Variants in ERI1 observed in about 807,000 individuals in gnomAD.
ERI1 encodes the protein exoribonuclease 1.
ERI1 carries 39 observed loss-of-function variants against 39.7 expected under a neutral mutation model. The observed-to-expected ratio is 0.98, with a 90% CI of 0.76 to 1.28. The LOEUF is 1.28. Ranked by LOEUF, ERI1 falls within the 50% of genes most tolerant of loss-of-function variation. The pLI, the probability that ERI1 is intolerant of heterozygous loss-of-function variation, is 0.00. For missense variants in ERI1, 581 were observed against 416.9 expected (o/e 1.39, Z -3.43); for synonymous variants, 204 against 149.6 (o/e 1.36, Z -2.65).
At chr8:9,003,924 G>T (rs1312720854) in intron 1 of ERI1, 5 of 453,716 alleles carry the variant, frequency 1.1e-5, no homozygotes, top group African/African-American at 4.0e-5. Flanking sequence ...TCCACAGTCA[G>T]TTTCCATCTG....
chr8:9,100,079 T>A (rs936524514), intron 3 of ERI1: 4 of 152,802 alleles, frequency 2.6e-5, no homozygotes, highest in Non-Finnish European at 4.4e-5. Context: ...TTCAATAAAA[T>A]TTGTAATTTT....
chr8:9,018,595 C>T (rs1817551302), intron 5 of ERI1, among the ~76,000 whole-genome samples, 189 bp downstream of exon 5: 2 of 152,264 alleles, frequency 1.3e-5, no homozygotes, highest in South Asian at 4.1e-4. Context: ...CAGTCCAATA[C>T]AGGACTAGAA....
At chr8:9,018,030 A>G (rs981981341) in intron 4 of ERI1, among the ~76,000 whole-genome samples, 1 of 152,194 alleles carries the variant, frequency 6.6e-6, no homozygotes, top group Non-Finnish European at 1.5e-5. Context: ...TCAGGCCTAT[A>G]AAAAGAGAAC....
At chr8:9,075,776 A>C (rs1332911464) in intron 3 of ERI1, among the ~76,000 whole-genome samples, 1 of 152,232 alleles carries the variant, frequency 6.6e-6, no homozygotes, top group African/African-American at 2.4e-5. Context: ...TATTACAGTG[A>C]AAGGGAAAAA....
chr8:9,064,401 G>A (rs1798802969), intron 3 of ERI1, among the ~76,000 whole-genome samples: 1 of 152,196 alleles, frequency 6.6e-6, no homozygotes, highest in Admixed American at 6.5e-5. Flanking sequence ...AAACATGGGT[G>A]AATTATCAGA....
chr8:9,004,377 G>T (rs892764853), intron 1 of ERI1: 1 of 842,548 alleles, frequency 1.2e-6, no homozygotes, highest in Non-Finnish European at 1.5e-6. Context: ...ATATTTGAAA[G>T]TCTTGACACT....
chr8:9,054,036 A>ATGGGGTGTGATAAC (rs113070093), intron 3 of ERI1, among the ~76,000 whole-genome samples: 25,634 of 152,172 alleles, frequency 0.17, 2,447 homozygotes, highest in African/African-American at 0.26. Flanking sequence ...CTGATAGGCT[A>ATGGGGTGTGATAAC]GAACTCCCAT....
At chr8:9,097,104 C>T (rs1799901379) in intron 3 of ERI1, among the ~76,000 whole-genome samples, 2 of 152,100 alleles carry the variant, frequency 1.3e-5, no homozygotes, top group South Asian at 4.1e-4. Context: ...TTTCTTCTCT[C>T]TTCCCATTTA....
Position 9,031,783 on chromosome 8 carries a change from A to T in ERI1, c.*1749A>T, listed in dbSNP as rs1168453656. ...TTGTTGTTGTTGTTGTTTGAGACAGAGTTTTTGCTCGTCTGCCAGGATGGA... is the reference window on the plus strand; with the variant it reads ...TTGTTGTTGTTGTTGTTTGAGACAGTGTTTTTGCTCGTCTGCCAGGATGGA... On this transcript the variant is annotated 3_prime_UTR_variant, in exon 7 of 7. Transcript: ENST00000250263. 2.6e-5 allele frequency: 4 copies of T among 152,156 alleles called. No homozygotes were observed. The East Asian group carries it at 7.7e-4, about 29-fold the overall frequency. The allele number at this position is 152,156 out of a possible 1,614,324, so 9.4% of individuals were successfully genotyped here. A position where few individuals can be genotyped will look rare whatever the true frequency, so the allele number is the denominator to read the frequency against.
chr8:9,024,018 T>C (rs1469782037), intron 6 of ERI1, among the ~76,000 whole-genome samples: 1 of 152,012 alleles, frequency 6.6e-6, no homozygotes, highest in East Asian at 1.9e-4. Context: ...GCCAGGCTGG[T>C]CTTGAAGTCC....
rs1049391600 is a variant in ERI1, at chr8:9,002,919, T to A, written c.-145T>A. The A allele has an allele frequency of 1.2e-5, 6 of 506,390 alleles. No individual in the cohort carries two copies. Among genetic ancestry groups the A allele is most frequent in the Non-Finnish European group, 1.8e-5 (6 of 325,842 alleles). The allele number at this position is 506,390 out of a possible 1,614,324, so 31.4% of individuals were successfully genotyped here. On this transcript the variant is annotated 5_prime_UTR_variant, in exon 1 of 7. Transcript: ENST00000250263. ...GCCACACGCTCCCGGAAGTGGGAGG[T>A]GGCCGCTGGAGTTTGTGTGGCCGCC...
rs141471502 is a variant in ERI1, at chr8:9,047,068, A to G, written n.299+26604A>G. ...CGAATAAAGCACGGCTGTTCCCAAC[A>G]GGGAAAACAGGCAAGCTGCTCTTTC... is the stretch of plus-strand genomic sequence containing the variant. On this transcript the variant is annotated intron_variant and non_coding_transcript_variant, in intron 3 of 3. Coordinates refer to the ERI1 transcript ENST00000518663. 6.5e-3 allele frequency among the ~76,000 whole-genome samples: 986 copies of G among 152,330 alleles called. 9 individuals are homozygous for G. The highest frequency in any genetic ancestry group is 0.022 in the African/African-American group (922 of 41,578).
At chr8:9,092,380 C>G (rs1163095959) in intron 3 of ERI1, among the ~76,000 whole-genome samples, 2 of 152,144 alleles carry the variant, frequency 1.3e-5, no homozygotes, top group African/African-American at 4.8e-5. Flanking sequence ...CCCGTCTACA[C>G]CATTGCACAC....
At chr8:9,025,981 C>T (rs1818433457) in intron 6 of ERI1, among the ~76,000 whole-genome samples, 1 of 152,090 alleles carries the variant, frequency 6.6e-6, no homozygotes, top group Non-Finnish European at 1.5e-5. Context: ...CATTAGAAAG[C>T]AGAACTGTCA....
chr8:9,011,588 A>C lies in ERI1; in HGVS notation c.334A>C (p.Lys112Gln). The C allele has an allele frequency of 1.2e-6, 2 of 1,613,212 alleles. No individual in the cohort carries two copies. Among genetic ancestry groups the C allele is most frequent in the Non-Finnish European group, 1.7e-6 (2 of 1,179,524 alleles). ...GAAGAGACTGAAAAACTATTATAAG[A>C]AGCAGAAGCTGATGCTGAAAGAGAG... ...LKKRLKNYYK[K>Q]QKLMLKESNF... The change falls in exon 3 of 7, where the codon AAG becomes CAG. Residue 112 changes from lysine (K) to glutamine (Q), a missense_variant. Lys to Gln is a moderately conservative substitution (Grantham distance 53, BLOSUM62 1). Transcript: ENST00000250263.
chr8:9,018,154 G>T, intron 4 of ERI1, 143 bp from the exon 5 acceptor site: 1 of 522,300 alleles, frequency 1.9e-6, no homozygotes, highest in South Asian at 3.4e-5. Context: ...AACTTTAGGT[G>T]GAGCTAAGCC....
At chr8:9,085,292 T>A (rs75369090) in intron 3 of ERI1, among the ~76,000 whole-genome samples, 4,095 of 152,258 alleles carry the variant, frequency 0.027, 159 homozygotes, top group South Asian at 0.1. Context: ...TACTGCAAAC[T>A]CTGCCTCCTG....
intron 3 of ERI1, among the ~76,000 whole-genome samples, chr8:9,013,355 A>G (rs1474655156): frequency 6.7e-6 from 1 of 149,190 alleles, no homozygotes; most frequent in Non-Finnish European, 1.5e-5. Flanking sequence ...TTAACACTGC[A>G]CTGCTGGCTT....
chr8:9,029,430 G>T (rs777941843), intron 6 of ERI1, among the ~76,000 whole-genome samples: 1 of 152,124 alleles, frequency 6.6e-6, no homozygotes, highest in Non-Finnish European at 1.5e-5. Flanking sequence ...CCAGGTTCAG[G>T]CAGTTCTCCT....
Sources: allele counts gnomAD v4.1 joint callset (sites outside exome capture counted in the v4.1 genomes callset), GRCh38; gene constraint gnomAD v4.1.1; transcripts MANE v1.5; gene names NCBI Gene and HGNC (gene_info 2026-07-23, HGNC 2026-07-21).